STARD8: variants seen among roughly 807,000 people sequenced by gnomAD.
STARD8 encodes stAR-related lipid transfer protein 8.
In STARD8, 25 loss-of-function variants were observed where a neutral mutation model predicts 69.4. The ratio of observed to expected loss-of-function variants is 0.36; its 90% confidence interval spans 0.26 to 0.50. The LOEUF (loss-of-function observed/expected upper bound fraction) is 0.50, where lower values mean the gene tolerates loss of function less well. Among genes scored for constraint, STARD8 ranks in the 20% least tolerant of loss-of-function variants. The probability of loss-of-function intolerance (pLI) is 0.96; values close to 1 mark genes in which losing one functional copy is unlikely to be tolerated. For missense variants in STARD8, 921 were observed against 932.5 expected (o/e 0.99, Z 0.16); for synonymous variants, 389 against 374.6 (o/e 1.04, Z -0.45).
chrX:68,662,292 C>T (rs943335215), intron 1 of STARD8, among the ~76,000 whole-genome samples: 3 of 110,946 alleles, frequency 2.7e-5, no homozygotes, highest in Admixed American at 9.6e-5. Context: ...GCCACTGTGC[C>T]GGGCCTCTGG....
chrX:68,678,468 G>GT (rs2079781061), intron 2 of STARD8, among the ~76,000 whole-genome samples: 1 of 112,133 alleles, frequency 8.9e-6, no homozygotes, highest in South Asian at 3.7e-4. Context: ...CCTGTCCCAT[G>GT]TGGGGCATCC....
intron 2 of STARD8, among the ~76,000 whole-genome samples, chrX:68,681,940 T>C (rs34976891): frequency 0.033 from 3,627 of 111,056 alleles, 56 homozygotes; most frequent in Non-Finnish European, 0.042. Context: ...CACCATTTGG[T>C]TTGGTCAAGG....
chrX:68,694,591 A>T (rs1569363103), intron 2 of STARD8, among the ~76,000 whole-genome samples: 1 of 111,201 alleles, frequency 9.0e-6, no homozygotes, highest in East Asian at 2.8e-4. Flanking sequence ...GGCGAGTCAT[A>T]CTACTGTGTG....
At chrX:68,669,681 A>G (rs1458288310) in intron 2 of STARD8, among the ~76,000 whole-genome samples, 1 of 111,789 alleles carries the variant, frequency 8.9e-6, no homozygotes, top group African/African-American at 3.3e-5. Context: ...TCGCAACCCA[A>G]CTGGCTCCAG....
At chrX:68,665,607 G>A (rs912903312) in intron 2 of STARD8, 75 bp downstream of exon 2, 52 of 1,075,508 alleles carry the variant, frequency 4.8e-5, no homozygotes, top group South Asian at 5.9e-5. Flanking sequence ...TGGGGCAACC[G>A]ATCAGGTCCC....
chrX:68,704,543 T>C (rs1031279861), intron 2 of STARD8, among the ~76,000 whole-genome samples: 5 of 110,927 alleles, frequency 4.5e-5, no homozygotes, highest in African/African-American at 1.3e-4. Flanking sequence ...TAGAGCACAG[T>C]TGGGCAGGAA....
At chrX:68,682,611 C>T (rs2079807817) in intron 2 of STARD8, among the ~76,000 whole-genome samples, 1 of 112,542 alleles carries the variant, frequency 8.9e-6, no homozygotes, top group Non-Finnish European at 1.9e-5. Flanking sequence ...ATTTCCTTAT[C>T]TGTAAAATGG....
chrX:68,713,307 T>A (rs187323759), intron 3 of STARD8, among the ~76,000 whole-genome samples: 1 of 112,681 alleles, frequency 8.9e-6, no homozygotes, highest in Admixed American at 9.3e-5. Flanking sequence ...CGCCTGGAGT[T>A]GTACACCCTG....
At chrX:68,694,969 C>T (rs1051882467) in intron 2 of STARD8, among the ~76,000 whole-genome samples, 7 of 111,060 alleles carry the variant, frequency 6.3e-5, no homozygotes, top group Non-Finnish European at 9.4e-5. Context: ...CCTGGCTTCT[C>T]TCCCAGTCAG....
intron 2 of STARD8, among the ~76,000 whole-genome samples, chrX:68,667,859 C>T (rs1370004224): frequency 9.0e-6 from 1 of 110,820 alleles, no homozygotes; most frequent in Non-Finnish European, 1.9e-5. Flanking sequence ...AGAGGCTTCC[C>T]CTCTCCGAAC....
At chrX:68,652,790 ACACACAC>A (rs2079557863) in intron 1 of STARD8, among the ~76,000 whole-genome samples, 2 of 50,479 alleles carry the variant, frequency 4.0e-5, no homozygotes, top group Non-Finnish European at 7.6e-5. Context: ...CACCACACAC[ACACACAC>A]CACACACCAC....
At chrX:68,652,804 C>G (rs1602533400) in intron 1 of STARD8, among the ~76,000 whole-genome samples, 3 of 66,980 alleles carry the variant, frequency 4.5e-5, no homozygotes, top group South Asian at 9.1e-4. Flanking sequence ...ACACCACACA[C>G]CACACACACA....
chrX:68,681,591 G>T (rs1399315636), intron 2 of STARD8, among the ~76,000 whole-genome samples: 1 of 112,898 alleles, frequency 8.9e-6, no homozygotes, highest in Non-Finnish European at 1.9e-5. Flanking sequence ...TCCCTGGGGA[G>T]ATATCTAAGC....
intron 1 of STARD8, among the ~76,000 whole-genome samples, chrX:68,661,970 CTCTTTCTTTCTT>C (rs1169605331): frequency 0.041 from 2,319 of 55,894 alleles, 79 homozygotes; most frequent in African/African-American, 0.063. Context: ...CTCTCTCTCT[CTCTTTCTTTCTT>C]TCTTTCTTTC....
intron 1 of STARD8, among the ~76,000 whole-genome samples, chrX:68,662,193 G>A (rs1429240323): frequency 9.2e-6 from 1 of 109,183 alleles, no homozygotes; most frequent in African/African-American, 3.3e-5. Context: ...ATTTTTAGTA[G>A]AGACAGGGTT....
chrX:68,689,223 G>A (rs762490634), intron 2 of STARD8, among the ~76,000 whole-genome samples: 73 of 105,008 alleles, frequency 7.0e-4, no homozygotes, highest in African/African-American at 2.5e-3. Context: ...GTGCCACTAC[G>A]GTCACCAAGT....
chrX:68,659,128 C>T (rs1280579384), intron 1 of STARD8, among the ~76,000 whole-genome samples: 1 of 112,199 alleles, frequency 8.9e-6, no homozygotes, highest in Non-Finnish European at 1.9e-5. Context: ...TTACCTACAA[C>T]ATGAGGAGAA....
At chrX:68,694,800 C>T (rs1234324737) in intron 2 of STARD8, among the ~76,000 whole-genome samples, 1 of 111,192 alleles carries the variant, frequency 9.0e-6, no homozygotes, top group Non-Finnish European at 1.9e-5. Flanking sequence ...TGCAGCTAAG[C>T]CAGCTGGAAA....
chrX:68,687,385 A>T (rs1023211673), intron 2 of STARD8, among the ~76,000 whole-genome samples: 2 of 111,923 alleles, frequency 1.8e-5, no homozygotes, highest in African/African-American at 6.5e-5. Context: ...ACTTCTGAGT[A>T]ATTGTTATAC....
Sources: allele counts gnomAD v4.1 joint callset (sites outside exome capture counted in the v4.1 genomes callset), GRCh38; gene constraint gnomAD v4.1.1; transcripts MANE v1.5; gene names NCBI Gene and HGNC (gene_info 2026-07-23, HGNC 2026-07-21).